The following CYB5B variants were observed in gnomAD, a reference collection of about 807,000 sequenced individuals.
CYB5B encodes the protein cytochrome b5 type B, also known as cytochrome b5 type B (outer mitochondrial membrane).
A neutral mutation model predicts 21.3 loss-of-function variants in CYB5B; 14 were observed. The observed-to-expected ratio is 0.66, with a 90% CI of 0.43 to 1.03. The LOEUF is 1.03. Ranked by LOEUF, CYB5B falls within the 50% of genes least tolerant of loss-of-function variation. CYB5B has a pLI of 0.00. For synonymous variants in CYB5B, 69 were observed against 68.4 expected, an observed-to-expected ratio of 1.01 and a Z score of -0.04; for missense variants, 166 against 185.1, an observed-to-expected ratio of 0.90 and a Z score of 0.60.
rs1408423752 is a variant in CYB5B at position 69,424,661 on chromosome 16, TCA to T, written c.-22_-21del. 6.6e-7 allele frequency: 1 copy of T among 1,506,572 alleles called. No individual in the cohort carries two copies. 93.3% of individuals were successfully genotyped at this position (1,506,572 alleles called of 1,614,324 possible). On this transcript the variant is annotated 5_prime_UTR_variant, in exon 1 of 5. Transcript: ENST00000307892. ...TCTCAAGGAAAGTAGTCGCGGAATC[TCA>T]GTTAGCGGTGGAGAGGCAGTATGTC... is the stretch of plus-strand genomic sequence containing the variant.
At chr16:69,449,463 C>T (rs1401466890) in intron 3 of CYB5B, 1 of 152,318 alleles carries the variant, frequency 6.6e-6, no homozygotes, top group Non-Finnish European at 1.5e-5. Flanking sequence ...AGCCATAACA[C>T]ATTTCTGCAC....
intron 3 of CYB5B, among the ~76,000 whole-genome samples, chr16:69,452,093 G>T (rs1050240106): frequency 4.6e-5 from 7 of 151,498 alleles, no homozygotes; most frequent in African/African-American, 1.7e-4. Flanking sequence ...TGGATAGACA[G>T]ACAAACCAAC....
intron 3 of CYB5B, chr16:69,450,236 A>AAAAAAAAAC (rs1567474122): frequency 6.9e-6 from 1 of 144,432 alleles, no homozygotes. Context: ...AAAAAAAAAA[A>AAAAAAAAAC]AAAACCCAAA....
At chr16:69,459,070 A>ATTTTT (rs34120910) in intron 3 of CYB5B, 23 bp from the exon 4 acceptor site, 8 of 1,368,490 alleles carry the variant, frequency 5.8e-6, no homozygotes, top group Admixed American at 2.2e-5. Context: ...TTATTTTTGA[A>ATTTTT]TTTTTTTTTT....
intron 1 of CYB5B, among the ~76,000 whole-genome samples, chr16:69,444,910 AC>A (rs2014863017): frequency 6.6e-6 from 1 of 152,170 alleles, no homozygotes; most frequent in South Asian, 2.1e-4. Flanking sequence ...TTCCAAATTT[AC>A]CACAGCGAAT....
intron 1 of CYB5B, among the ~76,000 whole-genome samples, chr16:69,432,413 C>T (rs1415004476): frequency 6.6e-6 from 1 of 152,040 alleles, no homozygotes; most frequent in Non-Finnish European, 1.5e-5. Context: ...ATGATTTTGC[C>T]CAACTGTAGG....
chr16:69,425,684 T>C (rs1358295551), intron 1 of CYB5B, among the ~76,000 whole-genome samples: 1 of 152,200 alleles, frequency 6.6e-6, no homozygotes, highest in Non-Finnish European at 1.5e-5. Flanking sequence ...ACATAAACCA[T>C]TTCCATCATT....
intron 3 of CYB5B, among the ~76,000 whole-genome samples, chr16:69,457,087 C>A (rs2014990379): frequency 6.6e-6 from 1 of 152,114 alleles, no homozygotes; most frequent in Non-Finnish European, 1.5e-5. Context: ...TTAAAACAGG[C>A]ACATTTTGCA....
intron 3 of CYB5B, among the ~76,000 whole-genome samples, chr16:69,450,633 G>T (rs1443562530): frequency 6.6e-6 from 1 of 152,166 alleles, no homozygotes; most frequent in Non-Finnish European, 1.5e-5. Flanking sequence ...TAGGGACTTG[G>T]TGTCTAGGAT....
chr16:69,426,687 AGAGC>A (rs2014650709), intron 1 of CYB5B, among the ~76,000 whole-genome samples: 3 of 125,190 alleles, frequency 2.4e-5, no homozygotes, highest in African/African-American at 1.0e-4. Flanking sequence ...CCTGGGCGAC[AGAGC>A]GAGACTCCAA....
Position 69,461,874 on chromosome 16 carries a change from A to G in CYB5B, c.363-556A>G, listed in dbSNP as rs75282411. Among the ~76,000 whole-genome samples the G allele has an allele frequency of 8.3e-3, 1,257 of 152,302 alleles. 7 individuals carry two copies. Among genetic ancestry groups the G allele is most frequent in the Non-Finnish European group, 0.012 (784 of 68,010 alleles). On this transcript the variant is annotated intron_variant, in intron 4 of 4. Coordinates refer to ENST00000307892, the MANE Select transcript of CYB5B (RefSeq NM_030579.3). Reference sequence around the variant, plus strand: ...GGTGCAAAGCTTATATTTCCCTTGTATGAGATGAGAATAATAACCCTATTT... The same window carrying G: ...GGTGCAAAGCTTATATTTCCCTTGTGTGAGATGAGAATAATAACCCTATTT...
intron 3 of CYB5B, among the ~76,000 whole-genome samples, chr16:69,452,332 AAAG>A (rs1285662974): frequency 1.0e-4 from 15 of 148,870 alleles, no homozygotes; most frequent in Middle Eastern, 4.0e-3. Flanking sequence ...AAAAAAAAAA[AAAG>A]GTAAAAAGCC....
intron 1 of CYB5B, among the ~76,000 whole-genome samples, chr16:69,426,424 C>T (rs1360212145): frequency 4.7e-5 from 7 of 149,056 alleles, no homozygotes; most frequent in South Asian, 2.1e-4. Context: ...AGTACTTTCC[C>T]GGCCAGGTGT....
intron 1 of CYB5B, among the ~76,000 whole-genome samples, chr16:69,425,688 C>T (rs246141): frequency 0.29 from 44,679 of 151,998 alleles, 8,050 homozygotes; most frequent in Admixed American, 0.42. Flanking sequence ...AAACCATTTC[C>T]ATCATTCTAA....
At chr16:69,427,270 T>C (rs7201265) in intron 1 of CYB5B, among the ~76,000 whole-genome samples, 25,870 of 152,138 alleles carry the variant, frequency 0.17, 3,746 homozygotes, top group African/African-American at 0.39. Flanking sequence ...TTTTCATTTG[T>C]GGTTTTATTT....
intron 1 of CYB5B, among the ~76,000 whole-genome samples, chr16:69,442,742 G>C (rs1223654779): frequency 1.3e-5 from 2 of 151,338 alleles, no homozygotes; most frequent in African/African-American, 2.4e-5. Flanking sequence ...GGTTGGTCTT[G>C]AATTCCTGGC....
chr16:69,440,054 A>C (rs2014803914), intron 1 of CYB5B, among the ~76,000 whole-genome samples: 1 of 151,602 alleles, frequency 6.6e-6, no homozygotes, highest in Non-Finnish European at 1.5e-5. Context: ...GTTTGTTTTT[A>C]ATATAGATCG....
At chr16:69,448,185 T>A (rs760553984) in intron 3 of CYB5B, 41 bp downstream of exon 3, 2 of 1,609,712 alleles carry the variant, frequency 1.2e-6, no homozygotes, top group South Asian at 2.2e-5. Flanking sequence ...TATTTGTGTT[T>A]ACTCAAGTAG....
At chr16:69,458,143 C>T (rs527699909) in intron 3 of CYB5B, among the ~76,000 whole-genome samples, 4 of 152,256 alleles carry the variant, frequency 2.6e-5, no homozygotes, top group Admixed American at 2.0e-4. Context: ...ACAGCTTTAT[C>T]GTGATACAAT....
Sources: allele counts gnomAD v4.1 joint callset (sites outside exome capture counted in the v4.1 genomes callset), GRCh38; gene constraint gnomAD v4.1.1; transcripts MANE v1.5; gene names NCBI Gene and HGNC (gene_info 2026-07-23, HGNC 2026-07-21).